Variants in NTM observed in about 807,000 individuals in gnomAD.
The protein encoded by NTM is IgLON family member 2.
A neutral mutation model predicts 42.1 loss-of-function variants in NTM; 13 were observed. That is an observed-to-expected ratio of 0.31 (90% CI 0.20 to 0.49). The LOEUF is 0.49. NTM is among the 20% of genes least tolerant of loss of function. The probability of loss-of-function intolerance (pLI) is 0.99; values close to 1 mark genes in which losing one functional copy is unlikely to be tolerated. For synonymous variants in NTM, 187 were observed against 179.2 expected (o/e 1.04, Z -0.35); for missense variants, 373 against 452.8 (o/e 0.82, Z 1.60).
intron 7 of NTM, among the ~76,000 whole-genome samples, chr11:132,316,283 G>C (rs2095428755): frequency 6.6e-6 from 1 of 152,170 alleles, no homozygotes. Flanking sequence ...GAGTTGAATA[G>C]ATGACATTTA....
At position 131,626,971 on chromosome 11, in the gene NTM, C is replaced by T. The variant is rs184972001; in HGVS notation, c.82+256083C>T. 5.3e-5 allele frequency among the ~76,000 whole-genome samples: 8 copies of T among 152,346 alleles called. No homozygotes were observed. In the East Asian group the frequency reaches 1.2e-3, roughly 22 times the overall value. ...TCTGAGGAACCTGTAGGCTATCTCA[C>T]TTCCCTTTCACCCGCTGTAGGGTAA... On this transcript the variant is annotated intron_variant, in intron 1 of 8. Transcript: ENST00000683400.
intron 2 of NTM, among the ~76,000 whole-genome samples, chr11:132,137,278 A>T (rs2068113060): frequency 6.6e-6 from 1 of 152,146 alleles, no homozygotes; most frequent in South Asian, 2.1e-4. Flanking sequence ...AAGATGGAGG[A>T]GAGCCTGCAG....
At chr11:131,600,258 A>G (rs912477141) in intron 1 of NTM, among the ~76,000 whole-genome samples, 1 of 152,236 alleles carries the variant, frequency 6.6e-6, no homozygotes, top group Non-Finnish European at 1.5e-5. Flanking sequence ...CACATTCCTC[A>G]TGCAGAAATG....
intron 1 of NTM, among the ~76,000 whole-genome samples, chr11:131,695,301 T>C (rs1048717227): frequency 3.3e-5 from 5 of 152,158 alleles, no homozygotes; most frequent in African/African-American, 1.2e-4. Context: ...TTATTGTGCT[T>C]GTCCTAAACC....
chr11:131,379,234 A>G (rs186547619), intron 1 of NTM, among the ~76,000 whole-genome samples: 1 of 152,176 alleles, frequency 6.6e-6, no homozygotes, highest in African/African-American at 2.4e-5. Flanking sequence ...CCCCTCAACA[A>G]TGCAGCTGCA....
At chr11:131,911,740 G>A (rs11222836) in intron 2 of NTM, 92 bp downstream of exon 2, 608,186 of 1,512,674 alleles carry the variant, frequency 0.4, 128,208 homozygotes, top group East Asian at 0.67. Context: ...GGCGTGCCTG[G>A]GTTGGCGGAG....
chr11:132,308,896 A>G, intron 5 of NTM, among the ~76,000 whole-genome samples: 1 of 152,244 alleles, frequency 6.6e-6, no homozygotes, highest in East Asian at 1.9e-4. Flanking sequence ...GCTTAGGAAA[A>G]TGAGTGAAAG....
intron 2 of NTM, among the ~76,000 whole-genome samples, chr11:132,034,505 T>A (rs2076280862): frequency 6.6e-6 from 1 of 152,208 alleles, no homozygotes. Flanking sequence ...CTAGCTCAAG[T>A]GGGCAACTGG....
intron 2 of NTM, among the ~76,000 whole-genome samples, chr11:132,001,755 C>T (rs574743262): frequency 5.4e-5 from 8 of 149,456 alleles, no homozygotes; most frequent in African/African-American, 2.0e-4. Flanking sequence ...CAAACTATAT[C>T]ATGCATATAC....
chr11:131,449,400 A>G (rs1376360704), intron 1 of NTM, among the ~76,000 whole-genome samples: 1 of 152,194 alleles, frequency 6.6e-6, no homozygotes, highest in Non-Finnish European at 1.5e-5. Context: ...ATTACAGTCC[A>G]GCTTCCTCGT....
chr11:131,865,622 G>A (rs1457200902), intron 1 of NTM, among the ~76,000 whole-genome samples: 1 of 152,066 alleles, frequency 6.6e-6, no homozygotes, highest in Non-Finnish European at 1.5e-5. Context: ...CTCACACCCT[G>A]CTCAACCCTC....
chr11:132,129,029 G>T (rs567049987), intron 2 of NTM, among the ~76,000 whole-genome samples: 1 of 151,450 alleles, frequency 6.6e-6, no homozygotes, highest in African/African-American at 2.4e-5. Context: ...GGATGGGTTG[G>T]TGTCACAAGT....
intron 1 of NTM, among the ~76,000 whole-genome samples, chr11:131,372,443 AGTGT>A (rs142528453): frequency 6.6e-6 from 1 of 151,318 alleles, no homozygotes; most frequent in African/African-American, 2.4e-5. Context: ...AAGCAGTATC[AGTGT>A]GTGTGTGTGT....
At chr11:131,972,021 C>T (rs1046467975) in intron 2 of NTM, among the ~76,000 whole-genome samples, 21 of 119,468 alleles carry the variant, frequency 1.8e-4, no homozygotes, top group Middle Eastern at 6.1e-3. Context: ...CCAGCCTGGG[C>T]GACAGAGTGA....
At chr11:132,213,771 G>A (rs2083311850) in intron 4 of NTM, among the ~76,000 whole-genome samples, 1 of 47,098 alleles carries the variant, frequency 2.1e-5, no homozygotes, top group Non-Finnish European at 4.9e-5. Flanking sequence ...GTCTCGCTCT[G>A]TCGCCCAGGC....
chr11:132,280,472 CTTCTTTTTT>C (rs2093927592), intron 4 of NTM, among the ~76,000 whole-genome samples: 2 of 125,764 alleles, frequency 1.6e-5, no homozygotes, highest in East Asian at 4.9e-4. Context: ...CTGATACTCT[CTTCTTTTTT>C]TTTTTTTTTT....
At chr11:131,908,623 G>A (rs543386060) in intron 1 of NTM, among the ~76,000 whole-genome samples, 1 of 152,330 alleles carries the variant, frequency 6.6e-6, no homozygotes, top group South Asian at 2.1e-4. Flanking sequence ...GAGCATAAGG[G>A]ATGGTTGAAA....
intron 1 of NTM, among the ~76,000 whole-genome samples, chr11:131,549,327 T>G (rs2054338024): frequency 6.6e-6 from 1 of 152,154 alleles, no homozygotes. Context: ...CAGCAAAAAT[T>G]ATGTCTAGGG....
At chr11:131,841,776 G>A (rs1231507126) in intron 1 of NTM, among the ~76,000 whole-genome samples, 2 of 152,132 alleles carry the variant, frequency 1.3e-5, no homozygotes, top group African/African-American at 2.4e-5. Context: ...AAGGGTGACT[G>A]GGGTCAGCGT....
Sources: gnomAD v4.1 joint callset for allele counts (sites outside exome capture counted in the v4.1 genomes callset) on GRCh38, gnomAD v4.1.1 for gene constraint, MANE v1.5 for transcripts, NCBI Gene and HGNC (gene_info 2026-07-23, HGNC 2026-07-21) for gene names.